Variants in CDH20 observed in about 807,000 individuals in gnomAD.
CDH20 encodes the protein cadherin 20, also known as cadherin-20.
Under a neutral mutation model 74.2 loss-of-function variants are expected in CDH20, and 29 were observed. That is an observed-to-expected ratio of 0.39 (90% CI 0.29 to 0.53). The LOEUF (loss-of-function observed/expected upper bound fraction) is 0.53, where lower values mean the gene tolerates loss of function less well. Among genes scored for constraint, CDH20 ranks in the 20% least tolerant of loss-of-function variants. CDH20 has a pLI of 0.69. For synonymous variants in CDH20, 469 were observed against 405.4 expected (o/e 1.16, Z -1.88); for missense variants, 988 against 1,048.3 (o/e 0.94, Z 0.79).
intron 1 of CDH20, among the ~76,000 whole-genome samples, chr18:61,369,502 G>C (rs568256455): frequency 2.0e-5 from 3 of 152,174 alleles, no homozygotes; most frequent in African/African-American, 7.2e-5. Context: ...TTTTAAAAGA[G>C]GTGTATATTC....
chr18:61,507,852 C>T (rs1487925442), intron 6 of CDH20, among the ~76,000 whole-genome samples: 1 of 152,108 alleles, frequency 6.6e-6, no homozygotes, highest in Non-Finnish European at 1.5e-5. Context: ...CCTGTTGTAG[C>T]TTAACTTTCT....
At chr18:61,387,881 G>A (rs1391039733) in intron 1 of CDH20, among the ~76,000 whole-genome samples, 1 of 152,038 alleles carries the variant, frequency 6.6e-6, no homozygotes, top group African/African-American at 2.4e-5. Context: ...CAATGGATAA[G>A]TGAAATGATT....
chr18:61,345,923 A>G (rs1015065472), intron 1 of CDH20, among the ~76,000 whole-genome samples: 49 of 152,312 alleles, frequency 3.2e-4, no homozygotes, highest in African/African-American at 1.2e-3. Flanking sequence ...TGGATTCACC[A>G]AACTTAAGAC....
intron 1 of CDH20, among the ~76,000 whole-genome samples, chr18:61,464,777 T>C (rs1221259737): frequency 1.3e-5 from 2 of 152,192 alleles, no homozygotes; most frequent in Non-Finnish European, 2.9e-5. Context: ...AGCATCACAG[T>C]GAATAATAGC....
intron 1 of CDH20, among the ~76,000 whole-genome samples, chr18:61,394,782 G>A (rs1911909265): frequency 6.6e-6 from 1 of 152,020 alleles, no homozygotes; most frequent in Non-Finnish European, 1.5e-5. Context: ...GCTGCCAGAG[G>A]GCCGAGCCCA....
intron 1 of CDH20, among the ~76,000 whole-genome samples, chr18:61,422,372 C>A (rs776496906): frequency 1.3e-5 from 2 of 152,016 alleles, no homozygotes; most frequent in Non-Finnish European, 2.9e-5. Flanking sequence ...GTCTTGATAT[C>A]ATTTAAATTA....
rs1163034631 is a variant in CDH20, at chr18:61,554,386, G to A, written c.2097G>A (p.Gln699=). The change falls in exon 12 of 12, where the codon CAG becomes CAA. Residue 699 remains glutamine, a synonymous_variant. Coordinates refer to ENST00000262717, the MANE Select transcript of CDH20 (RefSeq NM_031891.4). ...AQAGAAPKTR[Q]DMLPEIESLS... is the part of the protein sequence containing the mutation. ...CGGGGGCCGCCCCCAAGACGCGGCA[G>A]GACATGCTGCCCGAGATCGAGAGCC... is the stretch of plus-strand genomic sequence containing the variant. The A allele has an allele frequency of 2.5e-5, 40 of 1,612,848 alleles. No homozygotes were observed. The highest frequency in any genetic ancestry group is 3.3e-5 in the Non-Finnish European group (39 of 1,179,738).
intron 7 of CDH20, among the ~76,000 whole-genome samples, chr18:61,535,764 C>T (rs575194380): frequency 3.7e-4 from 56 of 152,304 alleles, no homozygotes; most frequent in African/African-American, 1.2e-3. Context: ...ATTGCTCGAA[C>T]GCAAAGATCC....
At chr18:61,466,302 T>C (rs1028267153) in intron 1 of CDH20, among the ~76,000 whole-genome samples, 2 of 152,196 alleles carry the variant, frequency 1.3e-5, no homozygotes, top group Admixed American at 6.5e-5. Context: ...ACATTTACAA[T>C]AGAAACTTAC....
In CDH20 at chr18:61,470,973, G is replaced by T. The variant is rs768441050; in HGVS notation, c.-152-19429G>T. On this transcript the variant is annotated intron_variant, in intron 1 of 11. Transcript: ENST00000262717. ...TGTTGGAATGAAATACCACCAAGACGCATTCTAAAGTGTAATTTTTCTGAA... is the reference window on the plus strand; with the variant it reads ...TGTTGGAATGAAATACCACCAAGACTCATTCTAAAGTGTAATTTTTCTGAA... Among the ~76,000 whole-genome samples, 8 of 151,738 alleles carry T rather than the reference G, an allele frequency of 5.3e-5. 1 individual carries two copies. In the Middle Eastern group the frequency reaches 0.02, roughly 387 times the overall value.
chr18:61,395,848 C>T (rs1265616813), intron 1 of CDH20, among the ~76,000 whole-genome samples: 3 of 152,186 alleles, frequency 2.0e-5, no homozygotes, highest in Non-Finnish European at 4.4e-5. Context: ...TCCTGGCCAA[C>T]ATGGTGAAAC....
intron 1 of CDH20, among the ~76,000 whole-genome samples, chr18:61,402,433 AG>A (rs1250046420): frequency 1.3e-5 from 2 of 152,136 alleles, no homozygotes; most frequent in Non-Finnish European, 1.5e-5. Flanking sequence ...CATATATTCA[AG>A]GGGAAAAAAA....
intron 1 of CDH20, among the ~76,000 whole-genome samples, chr18:61,443,507 A>C (rs1909098139): frequency 6.6e-6 from 1 of 152,110 alleles, no homozygotes; most frequent in Non-Finnish European, 1.5e-5. Flanking sequence ...AGCCACATGG[A>C]TCCCAGATGT....
intron 6 of CDH20, among the ~76,000 whole-genome samples, chr18:61,527,398 G>GATAGATAGATAGATAGATAGATAC (rs1912463214): frequency 6.8e-6 from 1 of 147,650 alleles, no homozygotes; most frequent in African/African-American, 2.5e-5. Context: ...TAGATAGATA[G>GATAGATAGATAGATAGATAGATAC]ATAGATAGAT....
chr18:61,423,137 G>A (rs556064876), intron 1 of CDH20, among the ~76,000 whole-genome samples: 7 of 152,298 alleles, frequency 4.6e-5, no homozygotes, highest in African/African-American at 1.4e-4. Context: ...CAAATCCTGG[G>A]GAGGTCCCAA....
At chr18:61,361,423 G>C (rs1910691016) in intron 1 of CDH20, among the ~76,000 whole-genome samples, 1 of 152,110 alleles carries the variant, frequency 6.6e-6, no homozygotes, top group Non-Finnish European at 1.5e-5. Context: ...TTTATCATCT[G>C]GGCAAACTGG....
chr18:61,520,872 C>G (rs662324), intron 6 of CDH20, among the ~76,000 whole-genome samples: 150,737 of 151,044 alleles, frequency 1, 75,229 homozygotes, highest in Non-Finnish European at 1. Context: ...CAGAAATAAG[C>G]TTCTTTGAAA....
chr18:61,337,893 A>T (rs1909809983), intron 1 of CDH20, among the ~76,000 whole-genome samples: 1 of 152,238 alleles, frequency 6.6e-6, no homozygotes, highest in South Asian at 2.1e-4. Flanking sequence ...GAATATAAAA[A>T]AGGAACATCT....
In CDH20 at chr18:61,544,593, A is replaced by G. The variant is rs542108261; in HGVS notation, c.1531-434A>G. On this transcript the variant is annotated intron_variant, in intron 9 of 11. Transcript: ENST00000262717. Reference sequence around the variant, plus strand: ...TTCCCAGTGGCCAGATTCTTCTCCAACTGTCCCGGGCTGAACTTCCCTTGG... The same window carrying G: ...TTCCCAGTGGCCAGATTCTTCTCCAGCTGTCCCGGGCTGAACTTCCCTTGG... Among the ~76,000 whole-genome samples, 5 of 152,196 alleles carry G rather than the reference A, an allele frequency of 3.3e-5. No homozygotes were observed. In the East Asian group the frequency reaches 5.8e-4, roughly 18 times the overall value.
Sources: allele counts gnomAD v4.1 joint callset (sites outside exome capture counted in the v4.1 genomes callset), GRCh38; gene constraint gnomAD v4.1.1; transcripts MANE v1.5; gene names NCBI Gene and HGNC (gene_info 2026-07-23, HGNC 2026-07-21).